Variants in PRR22 observed in about 807,000 individuals in gnomAD.
PRR22 encodes the protein proline rich 22.
In PRR22, 5 loss-of-function variants were observed where a neutral mutation model predicts 7.2. The observed-to-expected ratio is 0.69, with a 90% confidence interval of 0.36 to 1.45. PRR22 has a LOEUF of 1.45. PRR22 is among the 40% of genes most tolerant of loss of function. The pLI, the probability that PRR22 is intolerant of heterozygous loss-of-function variation, is 0.03. For synonymous variants in PRR22, 319 were observed against 269.3 expected (o/e 1.18, Z -1.81); for missense variants, 619 against 568.8 (o/e 1.09, Z -0.90).
In PRR22 at chr19:5,784,653, T is replaced by G. The variant is rs1373186296; in HGVS notation, c.8A>C (p.His3Pro). Reference sequence around the variant, plus strand: ...TGCAGGGGCACAGAACGGTTTGGGGTGCTGCATGGGGCAGCGGGGGGCCCG... The same window carrying G: ...TGCAGGGGCACAGAACGGTTTGGGGGGCTGCATGGGGCAGCGGGGGGCCCG... MQ[H>P]PKPFCAPAAP... Residue 3 changes from histidine to proline, a missense_variant, in exon 1 of 3, where the codon CAC becomes CCC. Transcript: ENST00000419421. 9.8e-6 allele frequency: 15 copies of G among 1,534,148 alleles called. 1 individual carries two copies. The South Asian group carries it at 1.2e-4, about 12-fold the overall frequency.
Position 5,783,902 on chromosome 19 carries a change from G to T in PRR22, c.345C>A (p.Leu115=). 1 of 1,574,648 alleles carries T rather than the reference G, an allele frequency of 6.4e-7. No individual in the cohort carries two copies. The highest frequency in any genetic ancestry group is 2.4e-5 in the East Asian group (1 of 42,198). The part of the protein sequence containing the change: ...AGVPSAPGSY[L]LEPQPYLKAP... ...CCTTGAGGTAGGGCTGAGGCTCCAGGAGGTAGCTGCCTGGGGCGGAGGGGA... is the reference window on the plus strand; with the variant it reads ...CCTTGAGGTAGGGCTGAGGCTCCAGTAGGTAGCTGCCTGGGGCGGAGGGGA... Residue 115 remains leucine, a synonymous_variant, in exon 3 of 3, where the codon CTC becomes CTA. Transcript: ENST00000419421.
Position 5,784,357 on chromosome 19 carries a change from G to A in PRR22, c.193+20C>T, listed in dbSNP as rs915805225. On this transcript the variant is annotated intron_variant, in intron 2 of 2. Coordinates refer to ENST00000419421, the MANE Select transcript of PRR22 (RefSeq NM_001134316.2). ...CAAACCCACTCCCAGCCTCGTCAAG[G>A]GCTCAGGGGAGGCCGGTACCTGCTG... 1.2e-6 allele frequency: 2 copies of A among 1,608,780 alleles called. No individual in the cohort carries two copies. Among genetic ancestry groups the A allele is most frequent in the South Asian group, 1.1e-5 (1 of 90,490 alleles).
In PRR22 at chr19:5,783,545, C is replaced by A. The variant is rs2056812343; in HGVS notation, c.702G>T (p.Leu234=). The change falls in exon 3 of 3, where the codon CTG becomes CTT. Residue 234 remains leucine (L), a synonymous_variant. Transcript: ENST00000419421. ...CCCCAGGTCGGGCCCCACTGCCCTGCAGCTCCTTGACGGGGAAGGCCAGGG... is the reference window on the plus strand; with the variant it reads ...CCCCAGGTCGGGCCCCACTGCCCTGAAGCTCCTTGACGGGGAAGGCCAGGG... ...PEPLAFPVKE[L]QGSGARPGVP... 6.2e-7 allele frequency: 1 copy of A among 1,604,366 alleles called. No homozygotes were observed. The highest frequency in any genetic ancestry group is 8.5e-7 in the Non-Finnish European group (1 of 1,176,508).
Position 5,783,858 on chromosome 19 carries a change from T to TA in PRR22, c.388dup (p.Tyr130LeufsTer21). 1 of 1,561,786 alleles carries TA rather than the reference T, an allele frequency of 6.4e-7. No individual in the cohort carries two copies. The highest frequency in any genetic ancestry group is 1.2e-5 in the South Asian group (1 of 85,850). ...CCCGGGTGCCTGCTGGTAGTGGGGG[T>TA]ATGGAGGCAGCCCCGGGGCCTTGAG... On this transcript the variant is annotated frameshift_variant, in exon 3 of 3. Transcript: ENST00000419421. LOFTEE classifies it low-confidence loss of function (END_TRUNC).
chr19:5,783,414 A>C lies in PRR22; in HGVS notation c.833T>G (p.Leu278Trp). ...CAGCAGAACCTTGTCAGGCAGTGCC[A>C]AAGCTCTGGCCGTCTTGGGGGCCTT... ...KAKAPKTARALALPDKVLLED... is the reference protein window; with the variant it reads ...KAKAPKTARAWALPDKVLLED... Residue 278 changes from leucine (L) to tryptophan (W), a missense_variant, in exon 3 of 3, where the codon TTG (leucine) becomes TGG (tryptophan). Transcript: ENST00000419421. 6.2e-7 allele frequency: 1 copy of C among 1,612,532 alleles called. No homozygotes were observed. Among genetic ancestry groups the C allele is most frequent in the South Asian group, 1.1e-5 (1 of 91,080 alleles).
In PRR22 at chr19:5,784,026, A is replaced by C. The variant is rs527615939; in HGVS notation, c.221T>G (p.Phe74Cys). The C allele has an allele frequency of 5.2e-5, 84 of 1,610,882 alleles. No individual in the cohort carries two copies. In the East Asian group the frequency reaches 1.1e-3, roughly 21 times the overall value. The change falls in exon 3 of 3, where the codon TTC (phenylalanine) becomes TGC (cysteine). Residue 74 changes from phenylalanine to cysteine, a missense_variant. Phe to Cys is a radical substitution (Grantham distance 205). Transcript: ENST00000419421. ...GATCCGATAGATGCGGGGGTCGAAG[A>C]AGCACCCGCATGGGGCCATCTGGAA... Reference protein sequence around the residue: ...AGFQMAPCGCFFDPRIYRIEW... With the variant: ...AGFQMAPCGCCFDPRIYRIEW...
In PRR22 at chr19:5,783,430, T is replaced by C; in HGVS notation, c.817A>G (p.Lys273Glu). ...LLGAGKAKAP[K>E]TARALALPDK... ...GGCAGTGCCAAAGCTCTGGCCGTCT[T>C]GGGGGCCTTGGCCTTGCCTGCTCCC... Residue 273 changes from lysine (K) to glutamate (E), a missense_variant, in exon 3 of 3, where the codon AAG becomes GAG. Lys to Glu is a moderately conservative substitution (Grantham distance 56, BLOSUM62 1). Coordinates refer to ENST00000419421, the MANE Select transcript of PRR22 (RefSeq NM_001134316.2). 6.2e-7 allele frequency: 1 copy of C among 1,612,148 alleles called. No individual in the cohort carries two copies. The highest frequency in any genetic ancestry group is 8.5e-7 in the Non-Finnish European group (1 of 1,179,730).
rs2056820186 is a variant in PRR22, at chr19:5,784,380, C to T, written c.190G>A (p.Ala64Thr). 6.2e-7 allele frequency: 1 copy of T among 1,605,174 alleles called. No individual in the cohort carries two copies. The highest frequency in any genetic ancestry group is 2.2e-5 in the East Asian group (1 of 44,650). ...PEKEVFPAPP[A>T]GFQMAPCGCF... ...AGGGCTCAGGGGAGGCCGGTACCTG[C>T]TGGTGGGGCTGGAAACACCTCTTTC... The change falls in exon 2 of 3, where the codon GCA becomes ACA. Residue 64 changes from alanine to threonine, a missense_variant. By Grantham distance (58) the Ala-to-Thr change is moderately conservative. Coordinates refer to ENST00000419421, the MANE Select transcript of PRR22 (RefSeq NM_001134316.2).
At chr19:5,784,349 T>G in intron 2 of PRR22, 28 bp downstream of exon 2, 1 of 1,605,632 alleles carries the variant, frequency 6.2e-7, no homozygotes, top group East Asian at 2.2e-5. Context: ...ACTCCCAGCC[T>G]CGTCAAGGGC....
At chr19:5,784,094 T>C (rs1403343267) in intron 2 of PRR22, 41 bp from the exon 3 acceptor site, 2 of 1,572,628 alleles carry the variant, frequency 1.3e-6, no homozygotes, top group Non-Finnish European at 1.7e-6. Context: ...AGCTGCTGCC[T>C]GAGGGGCCCA....
In PRR22 at chr19:5,783,685, G is replaced by C. The variant is rs74315694; in HGVS notation, c.562C>G (p.Pro188Ala). 3,731 of 1,509,826 alleles carry C rather than the reference G, an allele frequency of 2.5e-3. 90 individuals are homozygous for C. The African/African-American group carries it at 0.046, about 19-fold the overall frequency. The allele number at this position is 1,509,826 out of a possible 1,614,324, so 93.5% of individuals were successfully genotyped here. The change falls in exon 3 of 3, where the codon CCC becomes GCC. Residue 188 changes from proline (P) to alanine (A), a missense_variant. By Grantham distance (27) the Pro-to-Ala change is conservative. Transcript: ENST00000419421. ...EGPAPLPPPP[P>A]KENKPPPVLI... Reference sequence around the variant, plus strand: ...ACAGGGGGCGGCTTGTTCTCCTTGGGGGGTGGGGGTGGCAGCGGGGCCGGG... The same window carrying C: ...ACAGGGGGCGGCTTGTTCTCCTTGGCGGGTGGGGGTGGCAGCGGGGCCGGG...
rs1056454770 is a variant in PRR22 at position 5,784,061 on chromosome 19, C to A, written c.194-8G>T. 1 of 1,611,234 alleles carries A rather than the reference C, an allele frequency of 6.2e-7. No homozygotes were observed. Among genetic ancestry groups the A allele is most frequent in the South Asian group, 1.1e-5 (1 of 91,008 alleles). ...ATGGGGCCATCTGGAAACCTGTGGG[C>A]GGCAGGCGGGTGCCCTGAGAGCAGC... On this transcript the variant is annotated splice_polypyrimidine_tract_variant and splice_region_variant and intron_variant, in intron 2 of 2. Transcript: ENST00000419421.
At position 5,784,554 on chromosome 19, in the gene PRR22, C is replaced by T; in HGVS notation, c.107G>A (p.Cys36Tyr). Residue 36 changes from cysteine to tyrosine, a missense_variant, in exon 1 of 3, where the codon TGT becomes TAT. Transcript: ENST00000419421. The stretch of plus-strand genomic sequence containing the variant: ...ACCCATAGCGGGAGGAGGCTCGGCA[C>T]AGGTGGGAGCAGGCTGGTTGCCCAG... ...EVLGNQPAPT[C>Y]AEPPPAMGSL... 2 of 1,548,534 alleles carry T rather than the reference C, an allele frequency of 1.3e-6. No homozygotes were observed. The highest frequency in any genetic ancestry group is 1.9e-4 in the Middle Eastern group (1 of 5,358).
Position 5,783,951 on chromosome 19 carries a change from G to A in PRR22, c.296C>T (p.Ala99Val). Residue 99 changes from alanine to valine, a missense_variant, in exon 3 of 3, where the codon GCA (alanine) becomes GTA (valine). By Grantham distance (64) the Ala-to-Val change is moderately conservative. Coordinates refer to ENST00000419421, the MANE Select transcript of PRR22 (RefSeq NM_001134316.2). ...LGQSALYKLAASSGGPAGVPS... is the reference protein window; with the variant it reads ...LGQSALYKLAVSSGGPAGVPS... ...GACCCCCGCTGGCCCCCCGCTGCTT[G>A]CTGCCAGCTTATACAGGGCTGACTG... The A allele has an allele frequency of 6.3e-7, 1 of 1,598,732 alleles. No homozygotes were observed. Among genetic ancestry groups the A allele is most frequent in the East Asian group, 2.3e-5 (1 of 44,180 alleles).
Position 5,784,639 on chromosome 19 carries a change from A to G in PRR22, c.22T>C (p.Cys8Arg). The G allele has an allele frequency of 1.3e-6, 2 of 1,535,242 alleles. No homozygotes were observed. Among genetic ancestry groups the G allele is most frequent in the Non-Finnish European group, 1.7e-6 (2 of 1,146,794 alleles). Residue 8 changes from cysteine (C) to arginine (R), a missense_variant, in exon 1 of 3, where the codon TGT becomes CGT. Transcript: ENST00000419421. ...CCTTCCTGGGGAGCTGCAGGGGCACAGAACGGTTTGGGGTGCTGCATGGGG... is the reference window on the plus strand; with the variant it reads ...CCTTCCTGGGGAGCTGCAGGGGCACGGAACGGTTTGGGGTGCTGCATGGGG... MQHPKPFCAPAAPQEGFS... is the reference protein window; with the variant it reads MQHPKPFRAPAAPQEGFS...
chr19:5,783,541 C>T lies in PRR22; in HGVS notation c.706G>A (p.Gly236Ser), dbSNP rs1478305879. 1 of 1,603,952 alleles carries T rather than the reference C, an allele frequency of 6.2e-7. No homozygotes were observed. Among genetic ancestry groups the T allele is most frequent in the African/African-American group, 1.3e-5 (1 of 74,992 alleles). The change falls in exon 3 of 3, where the codon GGC becomes AGC. Residue 236 changes from glycine to serine, a missense_variant. By Grantham distance (56) the Gly-to-Ser change is moderately conservative. Coordinates refer to ENST00000419421, the MANE Select transcript of PRR22 (RefSeq NM_001134316.2). ...GGCACCCCAGGTCGGGCCCCACTGC[C>T]CTGCAGCTCCTTGACGGGGAAGGCC... is the stretch of plus-strand genomic sequence containing the variant. ...PLAFPVKELQ[G>S]SGARPGVPLY...
rs533225306 is a variant in PRR22, at chr19:5,783,574, C to T, written c.673G>A (p.Glu225Lys). 2.3e-5 allele frequency: 37 copies of T among 1,605,564 alleles called. No individual in the cohort carries two copies. Among genetic ancestry groups the T allele is most frequent in the Middle Eastern group, 1.7e-4 (1 of 6,030 alleles). ...QGHLGHFPGP[E>K]PLAFPVKELQ... Reference sequence around the variant, plus strand: ...TCCTTGACGGGGAAGGCCAGGGGTTCGGGCCCAGGGAAGTGGCCGAGGTGA... The same window carrying T: ...TCCTTGACGGGGAAGGCCAGGGGTTTGGGCCCAGGGAAGTGGCCGAGGTGA... Residue 225 changes from glutamate to lysine, a missense_variant, in exon 3 of 3, where the codon GAA (glutamate) becomes AAA (lysine). Physicochemically the swap from Glu to Lys is moderately conservative, Grantham distance 56. Transcript: ENST00000419421.
In PRR22 at chr19:5,784,438, G is replaced by C; in HGVS notation, c.132C>G (p.Gly44=). 6.4e-7 allele frequency: 1 copy of C among 1,558,764 alleles called. No homozygotes were observed. Among genetic ancestry groups the C allele is most frequent in the African/African-American group, 1.4e-5 (1 of 73,408 alleles). The stretch of plus-strand genomic sequence containing the variant: ...CTGGGGGATGATACAGGTTCAAGGA[G>C]CCTGTGGACAAAGGTGCCCAGGTGG... ...PTCAEPPPAM[G]SLNLYHPPDP... The change falls in exon 2 of 3, where the codon GGC becomes GGG. Residue 44 remains glycine, a splice_region_variant and synonymous_variant. Coordinates refer to ENST00000419421, the MANE Select transcript of PRR22 (RefSeq NM_001134316.2).
rs2056810222 is a variant in PRR22, at chr19:5,783,298, T to C, written c.949A>G (p.Ser317Gly). ...CEVPGPALPD[S>G]SGGNSADDIR... ...TCATCGGCTGAGTTCCCACCACTGC[T>C]GTCAGGCAGGGCCGGCCCAGGGACC... Residue 317 changes from serine (S) to glycine (G), a missense_variant, in exon 3 of 3, where the codon AGC (serine) becomes GGC (glycine). Physicochemically the swap from Ser to Gly is moderately conservative, Grantham distance 56. Transcript: ENST00000419421. 2.5e-6 allele frequency: 4 copies of C among 1,612,838 alleles called. No homozygotes were observed. In the South Asian group the frequency reaches 3.3e-5, roughly 13 times the overall value.
Sources: gnomAD v4.1 joint callset for allele counts on GRCh38, gnomAD v4.1.1 for gene constraint, MANE v1.5 for transcripts, NCBI Gene and HGNC (gene_info 2026-07-23, HGNC 2026-07-21) for gene names.